Variants in ZNF292 observed in about 807,000 individuals in gnomAD.
ZNF292 encodes zinc finger protein 292, also known as 16 zinc-finger domain protein.
A neutral mutation model predicts 217.9 loss-of-function variants in ZNF292; 26 were observed. The observed-to-expected ratio is 0.12, with a 90% CI of 0.09 to 0.17. The LOEUF (loss-of-function observed/expected upper bound fraction) is 0.17. ZNF292 is among the 10% of genes least tolerant of loss of function. The probability of loss-of-function intolerance (pLI) is 1.00; values close to 1 mark genes in which losing one functional copy is unlikely to be tolerated. For missense variants in ZNF292, 2,904 were observed against 3,175.2 expected (o/e 0.91, Z 2.05); for synonymous variants, 1,257 against 1,124.1 (o/e 1.12, Z -2.37).
intron 4 of ZNF292, chr6:87,222,903 T>C (rs1582447474): frequency 2.2e-6 from 1 of 444,960 alleles, no homozygotes; most frequent in South Asian, 1.6e-5. Flanking sequence ...AGGTATTTTG[T>C]AGAGTGTCCC....
At chr6:87,204,233 A>G (rs1772176117) in intron 1 of ZNF292, among the ~76,000 whole-genome samples, 1 of 152,206 alleles carries the variant, frequency 6.6e-6, no homozygotes, top group Non-Finnish European at 1.5e-5. Context: ...CTGTACTACT[A>G]CTGTATCTTT....
rs1281068216 is a variant in ZNF292, at chr6:87,255,537, A to G, written c.1908A>G (p.Lys636=). The part of the protein sequence containing the change: ...TVAKQEQRPI[K]KNSLYSTDFI... ...CTAAACAGGAGCAGCGACCTATAAA[A>G]AAGAATAGTCTCTATTCAACAGATT... The change falls in exon 8 of 8, where the codon AAA becomes AAG. Residue 636 remains lysine (K), a synonymous_variant. Transcript: ENST00000369577. 6.2e-7 allele frequency: 1 copy of G among 1,612,128 alleles called. No homozygotes were observed. The highest frequency in any genetic ancestry group is 8.5e-7 in the Non-Finnish European group (1 of 1,178,992).
intron 1 of ZNF292, among the ~76,000 whole-genome samples, chr6:87,158,057 T>G (rs954158609): frequency 6.6e-6 from 1 of 152,220 alleles, no homozygotes; most frequent in Non-Finnish European, 1.5e-5. Context: ...AAAATCAGAA[T>G]GAAAGTAATT....
chr6:87,230,265 A>G lies in ZNF292; in HGVS notation c.539-3060A>G, dbSNP rs571621270. 2.0e-5 allele frequency among the ~76,000 whole-genome samples: 3 copies of G among 152,322 alleles called. No homozygotes were observed. The South Asian group carries it at 6.2e-4, about 32-fold the overall frequency. ...GAAATCATGCAAATCTGGGCATGAG[A>G]ATAGGAACCCAGTAAATGAGTTGAC... On this transcript the variant is annotated intron_variant, in intron 4 of 7. Coordinates refer to ENST00000369577, the MANE Select transcript of ZNF292 (RefSeq NM_015021.3).
Position 87,258,904 on chromosome 6 carries a change from C to G in ZNF292, c.5275C>G (p.Leu1759Val), listed in dbSNP as rs771120673. The change falls in exon 8 of 8, where the codon CTT becomes GTT. Residue 1759 changes from leucine (L) to valine (V), a missense_variant. Physicochemically the swap from Leu to Val is conservative, Grantham distance 32 (BLOSUM62 1). This residue lies in a region of ZNF292 where 622 missense variants were observed against 573.1 expected (regional missense o/e 1.09). Transcript: ENST00000369577. ...TGTTATACAAAACTTTGAAAAGACT[C>G]TTGAAATTATTAAAACTGCTATGAA... ...DNVIQNFEKT[L>V]EIIKTAMNSQ... The G allele has an allele frequency of 3.7e-6, 6 of 1,607,178 alleles. No individual in the cohort carries two copies. In the East Asian group the frequency reaches 1.3e-4, roughly 36 times the overall value.
intron 1 of ZNF292, chr6:87,173,409 T>G (rs1356099516): frequency 1.3e-5 from 2 of 154,312 alleles, no homozygotes; most frequent in East Asian, 1.9e-4. Context: ...TGGGGTAAAT[T>G]TAGCTTCTTC....
intron 4 of ZNF292, among the ~76,000 whole-genome samples, chr6:87,221,459 A>G (rs992865812): frequency 6.6e-6 from 1 of 152,162 alleles, no homozygotes; most frequent in South Asian, 2.1e-4. Context: ...AGTTCAGTCT[A>G]TTCTTAGCCT....
intron 1 of ZNF292, among the ~76,000 whole-genome samples, chr6:87,168,476 G>A (rs560656051): frequency 1.8e-4 from 28 of 152,202 alleles, no homozygotes; most frequent in Non-Finnish European, 4.0e-4. Flanking sequence ...TATTAGCTTC[G>A]TAATAGTTTT....
At chr6:87,222,625 A>G (rs1158177596) in intron 4 of ZNF292, 2 of 255,684 alleles carry the variant, frequency 7.8e-6, no homozygotes, top group Non-Finnish European at 1.7e-5. Context: ...TATACCCTGA[A>G]CCCGTTTTCA....
At chr6:87,169,867 T>C in intron 1 of ZNF292, 3 of 225,842 alleles carry the variant, frequency 1.3e-5, no homozygotes, top group Non-Finnish European at 2.8e-5. Flanking sequence ...AGACTGGTCT[T>C]GATCTCCTGG....
chr6:87,182,664 A>C (rs1290328220), intron 1 of ZNF292, among the ~76,000 whole-genome samples: 1 of 152,168 alleles, frequency 6.6e-6, no homozygotes, highest in African/African-American at 2.4e-5. Flanking sequence ...GTTGGTGATG[A>C]TATGTTTCTA....
chr6:87,200,157 C>A (rs912982261), intron 1 of ZNF292, among the ~76,000 whole-genome samples: 3 of 152,162 alleles, frequency 2.0e-5, no homozygotes, highest in Non-Finnish European at 4.4e-5. Context: ...AATTTTGGAC[C>A]TCCCACATGA....
At chr6:87,207,352 TTG>T (rs1156524833) in intron 1 of ZNF292, among the ~76,000 whole-genome samples, 1 of 152,166 alleles carries the variant, frequency 6.6e-6, no homozygotes, top group Non-Finnish European at 1.5e-5. Flanking sequence ...TTTTGATAGG[TTG>T]TGTTTTTGCT....
intron 1 of ZNF292, among the ~76,000 whole-genome samples, chr6:87,207,061 C>G (rs990621991): frequency 6.6e-6 from 1 of 152,176 alleles, no homozygotes; most frequent in African/African-American, 2.4e-5. Flanking sequence ...GCTAATAACA[C>G]TCATGGTGAA....
chr6:87,215,610 CT>C (rs1772713922), intron 1 of ZNF292, among the ~76,000 whole-genome samples: 1 of 152,078 alleles, frequency 6.6e-6, no homozygotes, highest in South Asian at 2.1e-4. Flanking sequence ...TTTAAAATAA[CT>C]TTTAAAACTT....
intron 4 of ZNF292, among the ~76,000 whole-genome samples, chr6:87,231,349 C>T (rs6932623): frequency 0.87 from 131,971 of 152,190 alleles, 57,669 homozygotes; most frequent in East Asian, 0.98. Flanking sequence ...CTTTTTCTTA[C>T]CTCACACTGT....
intron 7 of ZNF292, among the ~76,000 whole-genome samples, chr6:87,252,699 T>C (rs570897036): frequency 1.9e-4 from 29 of 152,312 alleles, no homozygotes; most frequent in African/African-American, 6.5e-4. Flanking sequence ...TTTTCTTTCT[T>C]GCATATCGTA....
At chr6:87,202,082 T>C (rs147987258) in intron 1 of ZNF292, among the ~76,000 whole-genome samples, 4 of 152,354 alleles carry the variant, frequency 2.6e-5, no homozygotes, top group African/African-American at 9.6e-5. Flanking sequence ...AGAATCAACA[T>C]GTCAAATTCT....
chr6:87,233,056 CAG>C (rs1355826653), intron 4 of ZNF292, among the ~76,000 whole-genome samples: 2 of 152,060 alleles, frequency 1.3e-5, no homozygotes, highest in Non-Finnish European at 2.9e-5. Flanking sequence ...GCATTTAACA[CAG>C]AACTATTTTC....
Sources: allele counts gnomAD v4.1 joint callset (sites outside exome capture counted in the v4.1 genomes callset), GRCh38; gene constraint gnomAD v4.1.1; regional missense constraint gnomAD v4.1.1; transcripts MANE v1.5; gene names NCBI Gene and HGNC (gene_info 2026-07-23, HGNC 2026-07-21).